FRMD3: variants seen among roughly 807,000 people sequenced by gnomAD.
The protein encoded by FRMD3 is FERM domain-containing protein 3.
A neutral mutation model predicts 70.2 loss-of-function variants in FRMD3; 33 were observed. The ratio of observed to expected loss-of-function variants is 0.47; its 90% CI spans 0.36 to 0.63. The LOEUF is 0.63. FRMD3 is among the 20% of genes least tolerant of loss of function. FRMD3 has a pLI of 0.00. For synonymous variants in FRMD3, 279 were observed against 255.9 expected, an observed-to-expected ratio of 1.09 and a Z score of -0.86; for missense variants, 632 against 711.4, an observed-to-expected ratio of 0.89 and a Z score of 1.27.
rs79071780 is a variant in FRMD3, at chr9:83,515,090, G to A, written c.147+22995C>T. Among the ~76,000 whole-genome samples, 261 of 152,272 alleles carry A rather than the reference G, an allele frequency of 1.7e-3. 1 individual carries two copies. The highest frequency in any genetic ancestry group is 6.1e-3 in the African/African-American group (252 of 41,550). ...AAGGATCACAACTCCTCACCAGCAAGAGCAAAAAACTGGATGGAGAATGAG... is the reference window on the plus strand; with the variant it reads ...AAGGATCACAACTCCTCACCAGCAAAAGCAAAAAACTGGATGGAGAATGAG... On this transcript the variant is annotated intron_variant, in intron 1 of 13. Coordinates refer to ENST00000304195, the MANE Select transcript of FRMD3 (RefSeq NM_174938.6).
chr9:83,444,612 A>G (rs1479168495), intron 1 of FRMD3, among the ~76,000 whole-genome samples: 1 of 152,230 alleles, frequency 6.6e-6, no homozygotes, highest in Admixed American at 6.5e-5. Flanking sequence ...ACATTGACCC[A>G]AAGTGATCAC....
intron 10 of FRMD3, among the ~76,000 whole-genome samples, chr9:83,304,708 G>A (rs1200562322): frequency 1.3e-5 from 2 of 152,236 alleles, no homozygotes; most frequent in Non-Finnish European, 2.9e-5. Context: ...AGATAAAGAT[G>A]CTGTTAATGA....
At chr9:83,358,781 T>G (rs1824489606) in intron 3 of FRMD3, among the ~76,000 whole-genome samples, 1 of 152,092 alleles carries the variant, frequency 6.6e-6, no homozygotes, top group Non-Finnish European at 1.5e-5. Flanking sequence ...CCTATATTCC[T>G]GTTGTGCACA....
chr9:83,475,676 TATA>T (rs1828379305), intron 1 of FRMD3, among the ~76,000 whole-genome samples: 1 of 152,170 alleles, frequency 6.6e-6, no homozygotes, highest in South Asian at 2.1e-4. Flanking sequence ...AAAACATATT[TATA>T]ATAATAAGAG....
rs568146270 is a variant in FRMD3 at position 83,486,891 on chromosome 9, T to A, written c.147+51194A>T. On this transcript the variant is annotated intron_variant, in intron 1 of 13. Coordinates refer to ENST00000304195, the MANE Select transcript of FRMD3 (RefSeq NM_174938.6). ...ATAGCAATGACTGAATATTCAACTC[T>A]ACACCTCAGTTTAATAACATGAAAA... Among the ~76,000 whole-genome samples, 9 of 152,334 alleles carry A rather than the reference T, an allele frequency of 5.9e-5. 1 individual carries two copies. The highest frequency in any genetic ancestry group is 2.2e-4 in the African/African-American group (9 of 41,580).
intron 5 of FRMD3, among the ~76,000 whole-genome samples, chr9:83,341,763 G>A (rs943418408): frequency 4.5e-4 from 69 of 152,250 alleles, no homozygotes; most frequent in African/African-American, 1.3e-3. Flanking sequence ...GGATGAAGCT[G>A]TTCCCAGGGA....
At chr9:83,333,693 C>T (rs1039525102) in intron 6 of FRMD3, among the ~76,000 whole-genome samples, 6 of 152,184 alleles carry the variant, frequency 3.9e-5, no homozygotes, top group African/African-American at 1.2e-4. Context: ...CATCCTCAGG[C>T]ACCGCTGACA....
the FRMD3 span, among the ~76,000 whole-genome samples, chr9:83,544,556 A>G: frequency 6.6e-6 from 1 of 152,242 alleles, no homozygotes; most frequent in South Asian, 2.1e-4. Context: ...TGCGTCTGCC[A>G]CAGAAGCTCT....
chr9:83,393,875 A>G (rs1486835101), intron 1 of FRMD3, among the ~76,000 whole-genome samples: 1 of 151,988 alleles, frequency 6.6e-6, no homozygotes, highest in African/African-American at 2.4e-5. Flanking sequence ...ACTCCAAAAA[A>G]CAAGTGCAGA....
chr9:83,266,895 T>G, intron 13 of FRMD3: 1 of 1,087,272 alleles, frequency 9.2e-7, no homozygotes, highest in South Asian at 1.6e-5. Flanking sequence ...CTTTTCATCC[T>G]TATCAAAAAC....
chr9:83,490,762 C>CT (rs1278668238), intron 1 of FRMD3, among the ~76,000 whole-genome samples: 2 of 116,682 alleles, frequency 1.7e-5, no homozygotes, highest in Admixed American at 9.2e-5. Context: ...TTTTTACTCT[C>CT]TTCTCTCTCT....
In FRMD3 at chr9:83,246,940, T is replaced by C. The variant is rs1832134872; in HGVS notation, c.*978A>G. 1 of 985,320 alleles carries C rather than the reference T, an allele frequency of 1.0e-6. No individual in the cohort carries two copies. Among genetic ancestry groups the C allele is most frequent in the Admixed American group, 6.2e-5 (1 of 16,256 alleles). 61.0% of individuals were successfully genotyped at this position (985,320 alleles called of 1,614,324 possible). On this transcript the variant is annotated 3_prime_UTR_variant, in exon 14 of 14. Transcript: ENST00000304195. ...TCACCAGAACTCATTTTTGCCACTT[T>C]CCATTTCTCCAGTTCCTATCTGCCT...
chr9:83,538,012 G>A lies in FRMD3; in HGVS notation c.147+73C>T, dbSNP rs940285733. 3 of 1,539,362 alleles carry A rather than the reference G, an allele frequency of 1.9e-6. No individual in the cohort carries two copies. The highest frequency in any genetic ancestry group is 4.6e-5 in the East Asian group (2 of 43,858). On this transcript the variant is annotated intron_variant, in intron 1 of 13. Transcript: ENST00000304195. This position sits in a 1 kb window ranked among gnomAD's most constrained non-coding sequence, Gnocchi z 4.7. ...CTCCGGGAGTGGGTTCCTTGTTCTC[G>A]CATGCCCACCGCAAAGGCCCCCCGC...
At chr9:83,297,351 G>A (rs991159817) in intron 12 of FRMD3, among the ~76,000 whole-genome samples, 1 of 152,136 alleles carries the variant, frequency 6.6e-6, no homozygotes, top group African/African-American at 2.4e-5. Flanking sequence ...CTCTCAGGGT[G>A]CTACAGAGAA....
intron 1 of FRMD3, among the ~76,000 whole-genome samples, chr9:83,423,061 A>G (rs1185690966): frequency 2.6e-5 from 4 of 152,252 alleles, no homozygotes; most frequent in Non-Finnish European, 5.9e-5. Context: ...AATATAAAGA[A>G]GAGTAAAGCC....
At chr9:83,507,850 T>C (rs1221437286) in intron 1 of FRMD3, among the ~76,000 whole-genome samples, 2 of 150,272 alleles carry the variant, frequency 1.3e-5, no homozygotes, top group African/African-American at 4.9e-5. Context: ...TAGTATATTA[T>C]AGTATATGTA....
At chr9:83,407,865 CTCTCTCTCATCTT>C (rs1308116898) in intron 1 of FRMD3, among the ~76,000 whole-genome samples, 7 of 128,088 alleles carry the variant, frequency 5.5e-5, no homozygotes, top group Non-Finnish European at 9.3e-5. Context: ...CTCTCTCTCT[CTCTCTCTCATCTT>C]TCTCTCTCTC....
chr9:83,557,916 A>T, the FRMD3 span, among the ~76,000 whole-genome samples: 4 of 152,222 alleles, frequency 2.6e-5, no homozygotes, highest in African/African-American at 9.6e-5. Context: ...CTCATATGTA[A>T]ATGTTTGCCT....
intron 1 of FRMD3, among the ~76,000 whole-genome samples, chr9:83,404,273 AT>A (rs1404649629): frequency 1.3e-5 from 2 of 152,184 alleles, no homozygotes; most frequent in Non-Finnish European, 2.9e-5. Context: ...AGGGTGTTTC[AT>A]TTTTATGAAA....
Sources: allele counts gnomAD v4.1 joint callset (sites outside exome capture counted in the v4.1 genomes callset), GRCh38; gene constraint gnomAD v4.1.1; non-coding constraint Gnocchi (gnomAD v3.1); transcripts MANE v1.5; gene names NCBI Gene and HGNC (gene_info 2026-07-23, HGNC 2026-07-21).